The following MMUT variants were observed in gnomAD, a reference collection of about 807,000 sequenced individuals.
MMUT encodes methylmalonyl-CoA mutase, mitochondrial.
In MMUT, 79 loss-of-function variants were observed where a neutral mutation model predicts 79.9. The ratio of observed to expected loss-of-function variants is 0.99; its 90% CI spans 0.82 to 1.19. The LOEUF (loss-of-function observed/expected upper bound fraction) is 1.19. Ranked by LOEUF, MMUT falls within the 50% of genes most tolerant of loss-of-function variation. The pLI, the probability that MMUT is intolerant of heterozygous loss-of-function variation, is 0.00. For synonymous variants in MMUT, 273 were observed against 295.7 expected, an observed-to-expected ratio of 0.92 and a Z score of 0.79; for missense variants, 860 against 917.2, an observed-to-expected ratio of 0.94 and a Z score of 0.81.
chr6:49,456,404 T>A (rs1230713305), intron 3 of MMUT, among the ~76,000 whole-genome samples, 167 bp from the exon 4 acceptor site: 1 of 152,242 alleles, frequency 6.6e-6, no homozygotes, highest in Non-Finnish European at 1.5e-5. Flanking sequence ...TACATTTAAT[T>A]TGCTTTCCAA....
chr6:49,451,543 G>T lies in MMUT; in HGVS notation c.1255C>A (p.Pro419Thr), dbSNP rs768467805. 7 of 1,614,060 alleles carry T rather than the reference G, an allele frequency of 4.3e-6. No homozygotes were observed. The South Asian group carries it at 6.6e-5, about 15-fold the overall frequency. Residue 419 changes from proline to threonine, a missense_variant, in exon 6 of 13, where the codon CCC becomes ACC. Pro to Thr is a conservative substitution (Grantham distance 38). Transcript: ENST00000274813. ...CCTCCCCAAGGATCAGCCACTTTGG[G>T]AATCCCAGATTCTTCTTGAATGATG... The part of the protein sequence containing the change: ...QIIIQEESGI[P>T]KVADPWGGSY...
chr6:49,462,811 G>A (rs1376081070), intron 1 of MMUT, among the ~76,000 whole-genome samples: 1 of 152,166 alleles, frequency 6.6e-6, no homozygotes, highest in African/African-American at 2.4e-5. Flanking sequence ...AGTTCAGGGT[G>A]CTTAAGTGGC....
rs570459486 is a variant in MMUT at position 49,459,146 on chromosome 6, G to A, written c.321C>T (p.Ile107=). 176 of 1,614,128 alleles carry A rather than the reference G, an allele frequency of 1.1e-4. 5 individuals are homozygous for A. The South Asian group carries it at 1.7e-3, about 16-fold the overall frequency. ...CAGTACTAAAACCAGCATACTGGCGGATGGTCCAGGGCCTAAAGGTATACA... is the reference window on the plus strand; with the variant it reads ...CAGTACTAAAACCAGCATACTGGCGAATGGTCCAGGGCCTAAAGGTATACA... The part of the protein sequence containing the change: ...PTMYTFRPWT[I]RQYAGFSTVE... Residue 107 remains isoleucine (I), a synonymous_variant, in exon 2 of 13, where the codon ATC becomes ATT. Coordinates refer to ENST00000274813, the MANE Select transcript of MMUT (RefSeq NM_000255.4).
At chr6:49,459,713 TA>T (rs1767791947) in intron 1 of MMUT, among the ~76,000 whole-genome samples, 1 of 152,180 alleles carries the variant, frequency 6.6e-6, no homozygotes, top group South Asian at 2.1e-4. Context: ...TTTTCCTCAG[TA>T]GCCTCTTAGC....
rs759605451 is a variant in MMUT at position 49,447,729 on chromosome 6, C to G, written c.1501G>C (p.Glu501Gln). The change falls in exon 8 of 13, where the codon GAA becomes CAA. Residue 501 changes from glutamate to glutamine, a missense_variant. Physicochemically the swap from Glu to Gln is conservative, Grantham distance 29. Coordinates refer to ENST00000274813, the MANE Select transcript of MMUT (RefSeq NM_000255.4). Reference sequence around the variant, plus strand: ...GAAGTATTATCAATTGCCAGAACTTCTACAGCGTCTTCTTTTTCCAACTGG... The same window carrying G: ...GAAGTATTATCAATTGCCAGAACTTGTACAGCGTCTTCTTTTTCCAACTGG... ...KYQLEKEDAV[E>Q]VLAIDNTSVR... 28 of 1,611,008 alleles carry G rather than the reference C, an allele frequency of 1.7e-5. No homozygotes were observed. The South Asian group carries it at 2.9e-4, about 16-fold the overall frequency.
intron 1 of MMUT, among the ~76,000 whole-genome samples, chr6:49,461,417 T>TGA: frequency 6.6e-6 from 1 of 152,296 alleles, no homozygotes; most frequent in East Asian, 1.9e-4. Flanking sequence ...GACACGTAAT[T>TGA]GTAAGTGCAA....
intron 11 of MMUT, among the ~76,000 whole-genome samples, chr6:49,438,018 C>T (rs1055433721): frequency 1.3e-5 from 2 of 151,864 alleles, no homozygotes; most frequent in African/African-American, 4.8e-5. Flanking sequence ...AATTTTCATA[C>T]TATGTACGAA....
At chr6:49,455,492 A>G (rs1018062404) in intron 4 of MMUT, among the ~76,000 whole-genome samples, 9 of 152,210 alleles carry the variant, frequency 5.9e-5, no homozygotes, top group African/African-American at 1.7e-4. Flanking sequence ...GGCAGAAGCT[A>G]TGTTTTCTAC....
chr6:49,443,925 G>C, intron 9 of MMUT: 2 of 282,208 alleles, frequency 7.1e-6, no homozygotes, highest in South Asian at 6.1e-5. Context: ...AAGGCAAAAC[G>C]TCTCAAGAAG....
At chr6:49,444,331 T>C (rs143963471) in intron 9 of MMUT, among the ~76,000 whole-genome samples, 2 of 152,236 alleles carry the variant, frequency 1.3e-5, no homozygotes, top group Non-Finnish European at 2.9e-5. Context: ...GTAATAGGCA[T>C]AAACCTGGTG....
At chr6:49,447,574 G>T in intron 8 of MMUT, 96 bp downstream of exon 8, 1 of 722,240 alleles carries the variant, frequency 1.4e-6, no homozygotes, top group Non-Finnish European at 2.4e-6. Flanking sequence ...TCATGCTGTT[G>T]TAAGGATTAA....
intron 1 of MMUT, among the ~76,000 whole-genome samples, chr6:49,461,638 G>A (rs1375563181): frequency 6.6e-6 from 1 of 151,964 alleles, no homozygotes; most frequent in Non-Finnish European, 1.5e-5. Flanking sequence ...GCATGGTGGC[G>A]CACACCAGTA....
chr6:49,435,356 A>G (rs1306499201), intron 12 of MMUT, 100 bp downstream of exon 12: 18 of 1,218,804 alleles, frequency 1.5e-5, no homozygotes, highest in Non-Finnish European at 1.9e-5. Context: ...CCAGGAAATA[A>G]TATGTTCCTA....
intron 12 of MMUT, among the ~76,000 whole-genome samples, chr6:49,435,174 T>C (rs535839355): frequency 6.6e-6 from 1 of 152,364 alleles, no homozygotes; most frequent in African/African-American, 2.4e-5. Flanking sequence ...AACTGTTTAT[T>C]GAGAATGAAG....
chr6:49,437,043 C>T (rs1001337103), intron 11 of MMUT, among the ~76,000 whole-genome samples: 4 of 151,882 alleles, frequency 2.6e-5, no homozygotes, highest in Non-Finnish European at 5.9e-5. Context: ...CACATGTACC[C>T]CTGAACTTAA....
intron 5 of MMUT, 34 bp from the exon 6 acceptor site, chr6:49,451,748 A>T: frequency 6.2e-7 from 1 of 1,602,262 alleles, no homozygotes. Flanking sequence ...AAACTCAAAG[A>T]AACAGGTGAT....
chr6:49,435,724 A>ATGT, intron 11 of MMUT, 101 bp from the exon 12 acceptor site: 1 of 1,229,380 alleles, frequency 8.1e-7, no homozygotes. Context: ...GAACATACTA[A>ATGT]TGGGCAAAGA....
chr6:49,442,111 A>G, intron 9 of MMUT, 140 bp from the exon 10 acceptor site: 1 of 972,890 alleles, frequency 1.0e-6, no homozygotes, highest in Non-Finnish European at 1.5e-6. Context: ...TTTTTAATGC[A>G]TTATGAAAGC....
intron 11 of MMUT, among the ~76,000 whole-genome samples, chr6:49,438,917 G>A (rs1034337117): frequency 2.0e-5 from 3 of 152,230 alleles, no homozygotes; most frequent in South Asian, 2.1e-4. Flanking sequence ...TTGGGAACTC[G>A]GACTGGCTCT....
Sources: gnomAD v4.1 joint callset for allele counts (sites outside exome capture counted in the v4.1 genomes callset) on GRCh38, gnomAD v4.1.1 for gene constraint, MANE v1.5 for transcripts, NCBI Gene and HGNC (gene_info 2026-07-23, HGNC 2026-07-21) for gene names.